Variants in SCNN1A observed in about 807,000 individuals in gnomAD.
The protein encoded by SCNN1A is sodium channel epithelial 1 subunit alpha, also known as epithelial sodium channel subunit alpha.
A neutral mutation model predicts 68.6 loss-of-function variants in SCNN1A; 65 were observed. That is an observed-to-expected ratio of 0.95 (90% CI 0.78 to 1.16). SCNN1A has a LOEUF of 1.16. Ranked by LOEUF, SCNN1A falls within the 50% of genes most tolerant of loss-of-function variation. The pLI is 0.00. For missense variants in SCNN1A, 880 were observed against 865.9 expected (o/e 1.02, Z -0.20); for synonymous variants, 357 against 353.3 (o/e 1.01, Z -0.12).
intron 3 of SCNN1A, among the ~76,000 whole-genome samples, chr12:6,362,825 T>C (rs1272074725): frequency 6.8e-6 from 1 of 146,052 alleles, no homozygotes; most frequent in South Asian, 2.3e-4. Context: ...AACTACAGGC[T>C]TGTGCCACCA....
intron 2 of SCNN1A, among the ~76,000 whole-genome samples, chr12:6,368,142 A>C (rs1948712359): frequency 1.3e-5 from 2 of 152,268 alleles, no homozygotes; most frequent in African/African-American, 4.8e-5. Flanking sequence ...GTTAAAAGAA[A>C]AACTTTAAAC....
intron 3 of SCNN1A, among the ~76,000 whole-genome samples, chr12:6,362,853 A>AT (rs74538150): frequency 1.2e-3 from 123 of 106,556 alleles, no homozygotes; most frequent in Middle Eastern, 4.6e-3. Flanking sequence ...TAATTTTTGT[A>AT]TTTTTTTTTT....
Position 6,351,669 on chromosome 12 carries a change from TAGAG to T in SCNN1A, c.1361-2268_1361-2265del, listed in dbSNP as rs1027060443. 1.3e-5 allele frequency among the ~76,000 whole-genome samples: 2 copies of T among 150,086 alleles called. No individual in the cohort carries two copies. The highest frequency in any genetic ancestry group is 3.0e-5 in the Non-Finnish European group (2 of 67,598). On this transcript the variant is annotated intron_variant, in intron 8 of 12. Coordinates refer to ENST00000228916, the MANE Select transcript of SCNN1A (RefSeq NM_001038.6). The surrounding 1 kb of genome is among the most constrained non-coding windows in gnomAD (Gnocchi z 4.2). ...AAAAGATTCAGAATAGGCAAATCCA[TAGAG>T]AGAGAAAGAAAGAATCGTGGTTGCC...
intron 8 of SCNN1A, chr12:6,353,797 G>C (rs1349689200): frequency 7.3e-6 from 1 of 136,226 alleles, no homozygotes; most frequent in Non-Finnish European, 1.6e-5. Context: ...CACCGTGTTA[G>C]CCAGGATGGT....
At chr12:6,352,643 G>A (rs1315189810) in intron 8 of SCNN1A, among the ~76,000 whole-genome samples, 1 of 152,188 alleles carries the variant, frequency 6.6e-6, no homozygotes, top group Non-Finnish European at 1.5e-5. Flanking sequence ...CCTCCCCCTG[G>A]ACCTTAATTT....
rs1190139575 is a variant in SCNN1A, at chr12:6,374,014, C to G, written c.416+354G>C. Among the ~76,000 whole-genome samples the G allele has an allele frequency of 6.6e-6, 1 of 152,182 alleles. No individual in the cohort carries two copies. The highest frequency in any genetic ancestry group is 1.5e-5 in the Non-Finnish European group (1 of 68,044). On this transcript the variant is annotated intron_variant, in intron 2 of 12. Coordinates refer to ENST00000228916, the MANE Select transcript of SCNN1A (RefSeq NM_001038.6). This position sits in a 1 kb window ranked among gnomAD's most constrained non-coding sequence, Gnocchi z 6.2. ...GGTCTTATACTTTGCTGGCATCTTG[C>G]TCCAGAAAAGGGATGCAGCTGAGCA...
chr12:6,354,606 A>G (rs772263350), intron 7 of SCNN1A, 51 bp from the exon 8 acceptor site: 2 of 1,456,856 alleles, frequency 1.4e-6, no homozygotes, highest in Non-Finnish European at 9.6e-7. Context: ...TGAACTCAGC[A>G]GTTCTCTGCA....
intron 12 of SCNN1A, 23 bp from the exon 13 acceptor site, chr12:6,348,276 A>G: frequency 6.2e-7 from 1 of 1,613,644 alleles, no homozygotes. Flanking sequence ...AGGTACATTG[A>G]CGATGGGACA....
chr12:6,375,402 G>A, intron 1 of SCNN1A, 103 bp downstream of exon 1: 1 of 1,503,358 alleles, frequency 6.7e-7, no homozygotes, highest in African/African-American at 1.4e-5. Flanking sequence ...CAGGGCTCCA[G>A]GAGGTCTGGG....
At position 6,368,152 on chromosome 12, in the gene SCNN1A, C is replaced by G. The variant is rs560247058; in HGVS notation, c.417-4442G>C. Among the ~76,000 whole-genome samples, 6 of 152,314 alleles carry G rather than the reference C, an allele frequency of 3.9e-5. No individual in the cohort carries two copies. In the East Asian group the frequency reaches 9.6e-4, roughly 24 times the overall value. On this transcript the variant is annotated intron_variant, in intron 2 of 12. Coordinates refer to ENST00000228916, the MANE Select transcript of SCNN1A (RefSeq NM_001038.6). ...TAATTGTTAAAAGAAAAACTTTAAA[C>G]AAATTAAATTTAACTTGAGTTTCAC...
intron 1 of SCNN1A, 159 bp downstream of exon 1, chr12:6,375,346 C>G (rs545280299): frequency 3.5e-5 from 51 of 1,447,674 alleles, no homozygotes; most frequent in Non-Finnish European, 4.2e-5. Flanking sequence ...CAGCCTCTGG[C>G]CCTGACCTCG....
chr12:6,348,961 G>A lies in SCNN1A; in HGVS notation c.1542C>T (p.Val514=), dbSNP rs1948318529. The change falls in exon 11 of 13, where the codon GTC becomes GTT. Residue 514 remains valine (V), a synonymous_variant. Coordinates refer to ENST00000228916, the MANE Select transcript of SCNN1A (RefSeq NM_001038.6). ...QMLSRQNNYT[V]NNKRNGVAKV... is the part of the protein sequence containing the mutation. The stretch of plus-strand genomic sequence containing the variant: ...AGGGCAGGACTGACCTCTTGTTGTT[G>A]ACGGTGTAATTGTTCTGTCGCGATA... The A allele has an allele frequency of 6.2e-7, 1 of 1,613,898 alleles. No individual in the cohort carries two copies. The highest frequency in any genetic ancestry group is 8.5e-7 in the Non-Finnish European group (1 of 1,180,004).
At chr12:6,375,794 A>G, upstream of SCNN1A, 1 of 1,381,318 alleles carries the variant, frequency 7.2e-7, no homozygotes, top group Non-Finnish European at 9.3e-7. Flanking sequence ...AAGTAGAAGG[A>G]TCCTGAGCCC....
At position 6,354,357 on chromosome 12, in the gene SCNN1A, C is replaced by T. The variant is rs955002001; in HGVS notation, c.1360+81G>A. The T allele has an allele frequency of 2.4e-5, 22 of 910,508 alleles. No homozygotes were observed. In the African/African-American group the frequency reaches 3.4e-4, roughly 14 times the overall value. The allele number at this position is 910,508 out of a possible 1,614,324, so 56.4% of individuals were successfully genotyped here. A position where few individuals can be genotyped will look rare whatever the true frequency, so the allele number is the denominator to read the frequency against. ...AGGTGGGAGCCAGAAGTCATCCCCACAAACAGGGGACTGAGAGGAAAAAGT... is the reference window on the plus strand; with the variant it reads ...AGGTGGGAGCCAGAAGTCATCCCCATAAACAGGGGACTGAGAGGAAAAAGT... On this transcript the variant is annotated intron_variant, in intron 8 of 12. Transcript: ENST00000228916.
intron 4 of SCNN1A, among the ~76,000 whole-genome samples, chr12:6,357,555 C>CA (rs10677875): frequency 4.0e-3 from 566 of 142,244 alleles, no homozygotes; most frequent in South Asian, 0.02. Flanking sequence ...GACTCTGTCT[C>CA]AAAAAAAAAA....
In SCNN1A at chr12:6,363,583, C is replaced by G. The variant is rs775360187; in HGVS notation, c.544G>C (p.Gly182Arg). Reference sequence around the variant, plus strand: ...CGCTGCAAGGGGTGCGGCAGAGTCCCCCGCAGGTCGCGACGGCTGCGGGAG... The same window carrying G: ...CGCTGCAAGGGGTGCGGCAGAGTCCGCCGCAGGTCGCGACGGCTGCGGGAG... ...AGSRSRRDLR[G>R]TLPHPLQRLR... The change falls in exon 3 of 13, where the codon GGG becomes CGG. Residue 182 changes from glycine to arginine, a missense_variant. Gly to Arg is a moderately radical substitution (Grantham distance 125, BLOSUM62 -2). Transcript: ENST00000228916. The G allele has an allele frequency of 6.2e-7, 1 of 1,611,884 alleles. No individual in the cohort carries two copies. Among genetic ancestry groups the G allele is most frequent in the East Asian group, 2.2e-5 (1 of 44,820 alleles).
intron 8 of SCNN1A, among the ~76,000 whole-genome samples, chr12:6,352,693 G>T (rs1344056701): frequency 6.6e-6 from 1 of 152,208 alleles, no homozygotes; most frequent in East Asian, 1.9e-4. Flanking sequence ...TGGCCTTTGG[G>T]TTTCCCCCAG....
chr12:6,363,297 CTTTT>C (rs940629062), intron 3 of SCNN1A, 142 bp downstream of exon 3: 7 of 499,070 alleles, frequency 1.4e-5, no homozygotes, highest in Non-Finnish European at 2.0e-5. Flanking sequence ...TATTTATTTA[CTTTT>C]TTTTTTGCCC....
In SCNN1A at chr12:6,349,158, C is replaced by G. The variant is rs144275086; in HGVS notation, c.1497+6G>C. 2.8e-4 allele frequency: 444 copies of G among 1,613,786 alleles called. 2 individuals are homozygous for G. The East Asian group carries it at 3.2e-3, about 12-fold the overall frequency. ...ATCCCCCACCCATCCCTTCCCCACA[C>G]TCTACCTGGGATGTCACCGAGGGCC... On this transcript the variant is annotated splice_donor_region_variant and intron_variant, in intron 10 of 12. Transcript: ENST00000228916.
Sources: gnomAD v4.1 joint callset for allele counts (sites outside exome capture counted in the v4.1 genomes callset) on GRCh38, gnomAD v4.1.1 for gene constraint, Gnocchi (gnomAD v3.1) non-coding constraint, MANE v1.5 for transcripts, NCBI Gene and HGNC (gene_info 2026-07-23, HGNC 2026-07-21) for gene names.